Variants in ATRX observed in about 807,000 individuals in gnomAD.
ATRX encodes the protein ATRX chromatin remodeler.
ATRX carries 12 observed loss-of-function variants against 172.6 expected under a neutral mutation model. The ratio of observed to expected loss-of-function variants is 0.07; its 90% confidence interval spans 0.04 to 0.11. The LOEUF is 0.11. Ranked by LOEUF, ATRX falls within the 10% of genes least tolerant of loss-of-function variation. ATRX has a pLI of 1.00. For missense variants in ATRX, 1,368 were observed against 1,767.4 expected (o/e 0.77, Z 4.05); for synonymous variants, 674 against 594.7 (o/e 1.13, Z -1.94).
intron 15 of ATRX, among the ~76,000 whole-genome samples, chrX:77,649,212 A>C (rs1342697992): frequency 1.8e-5 from 2 of 110,246 alleles, no homozygotes; most frequent in Non-Finnish European, 3.8e-5. Flanking sequence ...GGAAGGGAGG[A>C]AGGAAGGAAG....
chrX:77,612,086 T>G (rs1231960505), intron 22 of ATRX, among the ~76,000 whole-genome samples: 1 of 111,366 alleles, frequency 9.0e-6, no homozygotes, highest in Non-Finnish European at 1.9e-5. Context: ...CATTTCTCCA[T>G]GTTCCCCTTG....
In ATRX at chrX:77,505,299, T is replaced by C; in HGVS notation, c.*3052A>G. On this transcript the variant is annotated 3_prime_UTR_variant, in exon 35 of 35. Coordinates refer to ENST00000373344, the MANE Select transcript of ATRX (RefSeq NM_000489.6). ...TATGATAATGGAGGGAAAATGAACA[T>C]AGCTAAGGGAAGGCTACAAAATATT... The C allele has an allele frequency of 5.7e-6, 1 of 174,181 alleles. No individual in the cohort carries two copies. Among genetic ancestry groups the C allele is most frequent in the East Asian group, 8.1e-5 (1 of 12,273 alleles). The allele number at this position is 174,181 out of a possible 1,213,427, so 14.4% of individuals were successfully genotyped here. A position where few individuals can be genotyped will look rare whatever the true frequency, so the allele number is the denominator to read the frequency against.
intron 2 of ATRX, among the ~76,000 whole-genome samples, chrX:77,704,834 G>A (rs1557156037): frequency 8.9e-6 from 1 of 112,240 alleles, no homozygotes; most frequent in Non-Finnish European, 1.9e-5. Context: ...CCAAGCCTAT[G>A]AGAGCAAGGG....
intron 34 of ATRX, among the ~76,000 whole-genome samples, chrX:77,513,190 A>G (rs182241814): frequency 4.3e-3 from 466 of 107,155 alleles, no homozygotes; most frequent in African/African-American, 0.012. Context: ...GGTGGCGGGC[A>G]CCTGTAGTCC....
intron 1 of ATRX, among the ~76,000 whole-genome samples, chrX:77,737,221 G>A (rs1401905119): frequency 2.7e-5 from 3 of 110,241 alleles, no homozygotes; most frequent in Non-Finnish European, 3.8e-5. Flanking sequence ...TCAGGAGTTC[G>A]ATAGCAGCCT....
At chrX:77,542,060 G>A in intron 30 of ATRX, among the ~76,000 whole-genome samples, 1 of 111,881 alleles carries the variant, frequency 8.9e-6, no homozygotes, top group Non-Finnish European at 1.9e-5. Flanking sequence ...TGTATATTTA[G>A]AAAACCCCAT....
rs941660668 is a variant in ATRX at position 77,663,461 on chromosome X, C to G, written c.4041G>C (p.Val1347=). 1 of 1,211,541 alleles carries G rather than the reference C, an allele frequency of 8.3e-7. No homozygotes were observed. Among genetic ancestry groups the G allele is most frequent in the Non-Finnish European group, 1.1e-6 (1 of 895,190 alleles). ...RHRLLRHKLT[V]SDGESGEEKK... ...TTTCTTCTCCAGATTCTCCGTCACT[C>G]ACAGTCAATTTGTGCCGCAAAAGCC... Residue 1347 remains valine, a synonymous_variant, in exon 12 of 35, where the codon GTG becomes GTC. Coordinates refer to ENST00000373344, the MANE Select transcript of ATRX (RefSeq NM_000489.6).
At chrX:77,755,162 T>C (rs1398406163) in intron 1 of ATRX, among the ~76,000 whole-genome samples, 2 of 112,839 alleles carry the variant, frequency 1.8e-5, no homozygotes, top group African/African-American at 6.4e-5. Context: ...ACGAAGTTCT[T>C]GTGCTGTGTT....
At chrX:77,596,997 T>C (rs1045453577) in intron 25 of ATRX, 29 of 111,130 alleles carry the variant, frequency 2.6e-4, no homozygotes, top group African/African-American at 8.5e-4. Flanking sequence ...AAACTTTATA[T>C]ATTTTTAATT....
chrX:77,749,644 C>T (rs2148873993), intron 1 of ATRX, among the ~76,000 whole-genome samples: 1 of 111,610 alleles, frequency 9.0e-6, no homozygotes, highest in Non-Finnish European at 1.9e-5. Context: ...ACAGTAATCC[C>T]ACTTTGTCCA....
chrX:77,636,143 T>G (rs2068337860), intron 15 of ATRX, 87 bp from the exon 16 acceptor site: 2 of 919,845 alleles, frequency 2.2e-6, no homozygotes, highest in Non-Finnish European at 3.1e-6. Flanking sequence ...TTCCAAAATA[T>G]AGACACATTT....
At chrX:77,559,449 C>CTTT (rs782028709) in intron 28 of ATRX, among the ~76,000 whole-genome samples, 1 of 41,684 alleles carries the variant, frequency 2.4e-5, no homozygotes, top group Non-Finnish European at 3.7e-5. Flanking sequence ...CTTTCTTTCC[C>CTTT]TTTTTTTTTT....
intron 2 of ATRX, among the ~76,000 whole-genome samples, chrX:77,710,791 T>C (rs1035842389): frequency 1.8e-5 from 2 of 111,247 alleles, no homozygotes; most frequent in Admixed American, 9.7e-5. Flanking sequence ...GTGTTAAGCA[T>C]AGGCAGAGGT....
intron 22 of ATRX, among the ~76,000 whole-genome samples, chrX:77,611,337 G>A (rs1351326224): frequency 2.7e-5 from 3 of 111,256 alleles, no homozygotes; most frequent in Admixed American, 9.6e-5. Context: ...TCCAATTTAT[G>A]TTACCATCAA....
intron 2 of ATRX, chrX:77,699,636 G>A (rs1435836681): frequency 9.0e-6 from 1 of 111,196 alleles, no homozygotes; most frequent in East Asian, 2.8e-4. Flanking sequence ...TGAAATAAAC[G>A]GATTATAAAG....
intron 34 of ATRX, among the ~76,000 whole-genome samples, chrX:77,514,209 T>C (rs1374296580): frequency 2.7e-5 from 3 of 112,371 alleles, no homozygotes; most frequent in African/African-American, 9.7e-5. Context: ...TTCAATGCTA[T>C]TCCTATCAAA....
intron 26 of ATRX, 51 bp downstream of exon 26, chrX:77,593,645 A>G: frequency 9.0e-7 from 1 of 1,113,724 alleles, no homozygotes; most frequent in Non-Finnish European, 1.2e-6. Context: ...TTAAGCAATA[A>G]AAACATAATC....
intron 28 of ATRX, among the ~76,000 whole-genome samples, chrX:77,570,930 C>A (rs2065389982): frequency 8.9e-6 from 1 of 112,134 alleles, no homozygotes; most frequent in African/African-American, 3.2e-5. Context: ...AGAGGATATA[C>A]AATATTTGAT....
chrX:77,652,488 G>C, intron 14 of ATRX, 135 bp from the exon 15 acceptor site: 1 of 522,104 alleles, frequency 1.9e-6, no homozygotes, highest in Non-Finnish European at 2.8e-6. Flanking sequence ...TTCAGCAATA[G>C]AGTAGTATTA....
Sources: gnomAD v4.1 joint callset for allele counts (sites outside exome capture counted in the v4.1 genomes callset) on GRCh38, gnomAD v4.1.1 for gene constraint, MANE v1.5 for transcripts, NCBI Gene and HGNC (gene_info 2026-07-23, HGNC 2026-07-21) for gene names.